Variants in SLC13A1 observed in about 807,000 individuals in gnomAD.
The protein encoded by SLC13A1 is solute carrier family 13 member 1, also known as Na(+)/sulfate cotransporter.
In SLC13A1, 65 loss-of-function variants were observed where a neutral mutation model predicts 70.0. That is an observed-to-expected ratio of 0.93 (90% CI 0.76 to 1.14). The LOEUF is 1.14. Ranked by LOEUF, SLC13A1 falls within the 50% of genes most tolerant of loss-of-function variation. The probability of loss-of-function intolerance (pLI) is 0.00; values close to 1 mark genes in which losing one functional copy is unlikely to be tolerated. For missense variants in SLC13A1, 726 were observed against 717.8 expected (o/e 1.01, Z -0.13); for synonymous variants, 275 against 250.5 (o/e 1.10, Z -0.92).
intron 3 of SLC13A1, 138 bp from the exon 4 acceptor site, chr7:123,169,473 C>T (rs2116549007): frequency 4.0e-6 from 3 of 745,860 alleles, no homozygotes; most frequent in East Asian, 2.7e-5. Flanking sequence ...TAAGATTCTG[C>T]CCAGATGATG....
intron 2 of SLC13A1, among the ~76,000 whole-genome samples, chr7:123,175,094 G>A (rs758288346): frequency 1.3e-5 from 2 of 151,792 alleles, no homozygotes; most frequent in Admixed American, 6.6e-5. Flanking sequence ...TTGTATTTAT[G>A]GACTTAGCAC....
intron 1 of SLC13A1, among the ~76,000 whole-genome samples, chr7:123,189,155 T>C (rs1475541934): frequency 2.0e-5 from 3 of 151,274 alleles, no homozygotes; most frequent in Admixed American, 6.6e-5. Flanking sequence ...TTCTACATTA[T>C]ATATTTCCAT....
chr7:123,160,449 C>T (rs763996051), intron 6 of SLC13A1, among the ~76,000 whole-genome samples: 9 of 151,746 alleles, frequency 5.9e-5, no homozygotes, highest in Non-Finnish European at 1.3e-4. Flanking sequence ...GCAGAGGAAC[C>T]AAAATGGACA....
rs184846497 is a variant in SLC13A1, at chr7:123,160,741, A to G, written c.660+7633T>C. On this transcript the variant is annotated intron_variant, in intron 6 of 14. Transcript: ENST00000194130. ...TTTAGAGAACTGTTATATAGACCAC[A>G]GTTTCTGACCGCAGAAAAATTGTTA... 2.0e-4 allele frequency among the ~76,000 whole-genome samples: 30 copies of G among 152,316 alleles called. 1 individual carries two copies. In the East Asian group the frequency reaches 5.8e-3, roughly 29 times the overall value.
At chr7:123,185,391 A>G (rs1032295044) in intron 1 of SLC13A1, among the ~76,000 whole-genome samples, 13 of 152,032 alleles carry the variant, frequency 8.6e-5, no homozygotes, top group African/African-American at 3.1e-4. Context: ...CCTGTTTTGT[A>G]TTCTAGTAGT....
At chr7:123,178,009 C>CTATCTCTT (rs1554553445) in intron 2 of SLC13A1, among the ~76,000 whole-genome samples, 3 of 121,242 alleles carry the variant, frequency 2.5e-5, no homozygotes, top group Middle Eastern at 4.5e-3. Flanking sequence ...ACACCTATAT[C>CTATCTCTT]TCTCTCTTTC....
chr7:123,192,488 C>A (rs1796026274), intron 1 of SLC13A1, among the ~76,000 whole-genome samples: 2 of 152,102 alleles, frequency 1.3e-5, no homozygotes, highest in Admixed American at 1.3e-4. Flanking sequence ...ATAGTTTTTT[C>A]ATCTCTTCTG....
chr7:123,140,734 A>G (rs1373963559), intron 7 of SLC13A1, among the ~76,000 whole-genome samples: 1 of 152,064 alleles, frequency 6.6e-6, no homozygotes, highest in Non-Finnish European at 1.5e-5. Context: ...AGTCACTACT[A>G]ATGATCCTTT....
chr7:123,123,724 C>A (rs914987261), intron 11 of SLC13A1, among the ~76,000 whole-genome samples: 2 of 151,814 alleles, frequency 1.3e-5, no homozygotes, highest in Non-Finnish European at 1.5e-5. Context: ...ATAGATTCAC[C>A]AAGATTTCAG....
chr7:123,183,253 T>C (rs1345751426), intron 1 of SLC13A1, among the ~76,000 whole-genome samples: 1 of 152,166 alleles, frequency 6.6e-6, no homozygotes, highest in African/African-American at 2.4e-5. Context: ...TATAAGTCTA[T>C]GTGCTTAATT....
chr7:123,123,339 C>G, intron 11 of SLC13A1, 104 bp from the exon 12 acceptor site: 4 of 711,016 alleles, frequency 5.6e-6, no homozygotes, highest in Non-Finnish European at 1.0e-5. Context: ...TGTAATATTC[C>G]TATATTGTTT....
At chr7:123,136,079 A>G (rs746746752) in intron 7 of SLC13A1, among the ~76,000 whole-genome samples, 1 of 152,216 alleles carries the variant, frequency 6.6e-6, no homozygotes, top group Non-Finnish European at 1.5e-5. Flanking sequence ...TGTACAACCT[A>G]ACGACACTCA....
intron 11 of SLC13A1, among the ~76,000 whole-genome samples, chr7:123,124,248 C>T (rs1030925921): frequency 6.6e-6 from 1 of 152,264 alleles, no homozygotes; most frequent in East Asian, 1.9e-4. Flanking sequence ...ACCAGGGAAG[C>T]TAAAGCCAAA....
intron 1 of SLC13A1, among the ~76,000 whole-genome samples, chr7:123,198,638 T>G (rs1298147119): frequency 6.6e-6 from 1 of 152,000 alleles, no homozygotes; most frequent in East Asian, 1.9e-4. Context: ...CAAAAGGACT[T>G]TATTAGCTCA....
intron 1 of SLC13A1, among the ~76,000 whole-genome samples, chr7:123,189,071 C>T (rs1232988392): frequency 4.2e-5 from 6 of 142,738 alleles, no homozygotes; most frequent in East Asian, 2.0e-4. Context: ...GCCGAGATCC[C>T]GCCACTGCAC....
intron 12 of SLC13A1, among the ~76,000 whole-genome samples, chr7:123,121,082 T>G (rs1200369046): frequency 2.0e-5 from 3 of 152,094 alleles, no homozygotes; most frequent in African/African-American, 7.2e-5. Context: ...AGTTGACTGT[T>G]GAACATTTTG....
chr7:123,120,676 T>G (rs369311175), intron 12 of SLC13A1, among the ~76,000 whole-genome samples: 180 of 152,210 alleles, frequency 1.2e-3, no homozygotes, highest in African/African-American at 4.0e-3. Context: ...TTCCTAGATG[T>G]GAGCACCAGA....
chr7:123,188,642 T>A (rs1795895894), intron 1 of SLC13A1, among the ~76,000 whole-genome samples: 1 of 152,096 alleles, frequency 6.6e-6, no homozygotes, highest in Admixed American at 6.5e-5. Context: ...ATTTGTGGAG[T>A]TATTTTTAGA....
At position 123,168,476 on chromosome 7, in the gene SLC13A1, T is replaced by C. The variant is rs200607997; in HGVS notation, c.611+28A>G. The C allele has an allele frequency of 2.6e-5, 41 of 1,598,840 alleles. No individual in the cohort carries two copies. The East Asian group carries it at 8.8e-4, about 34-fold the overall frequency. On this transcript the variant is annotated intron_variant, in intron 5 of 14. Coordinates refer to ENST00000194130, the MANE Select transcript of SLC13A1 (RefSeq NM_022444.4). ...TTTATTAAAATATAATTTGGAAAAA[T>C]CCCAATCAAAATGTCAGTATTCCTT...
Sources: allele counts gnomAD v4.1 joint callset (sites outside exome capture counted in the v4.1 genomes callset), GRCh38; gene constraint gnomAD v4.1.1; transcripts MANE v1.5; gene names NCBI Gene and HGNC (gene_info 2026-07-23, HGNC 2026-07-21).